Variants in RAB37 observed in about 807,000 individuals in gnomAD.
The protein encoded by RAB37 is ras-related protein Rab-37.
Under a neutral mutation model 33.1 loss-of-function variants are expected in RAB37, and 29 were observed. That is an observed-to-expected ratio of 0.88 (90% CI 0.65 to 1.20). The LOEUF (loss-of-function observed/expected upper bound fraction) is 1.20. Ranked by LOEUF, RAB37 falls within the 50% of genes most tolerant of loss-of-function variation. The pLI is 0.00. For missense variants in RAB37, 299 were observed against 301.1 expected, an observed-to-expected ratio of 0.99 and a Z score of 0.05; for synonymous variants, 128 against 119.5, an observed-to-expected ratio of 1.07 and a Z score of -0.47.
rs1272049504 is a variant in RAB37, at chr17:74,738,717, A to G, written c.93+1352A>G. On this transcript the variant is annotated intron_variant, in intron 1 of 8. Coordinates refer to ENST00000392613, the MANE Select transcript of RAB37 (RefSeq NM_001006638.3). The surrounding 1 kb of genome is among the most constrained non-coding windows in gnomAD (Gnocchi z 5.0). ...CCACCCCTTCATCTGTTCCCTGGCC[A>G]AGCGGCATTGGCCGGAGAGTTGGTC... 6.6e-6 allele frequency among the ~76,000 whole-genome samples: 1 copy of G among 152,122 alleles called. No homozygotes were observed. The highest frequency in any genetic ancestry group is 1.5e-5 in the Non-Finnish European group (1 of 67,994).
At chr17:74,672,416 A>G (rs933803515) in intron 1 of RAB37, among the ~76,000 whole-genome samples, 91 of 152,246 alleles carry the variant, frequency 6.0e-4, no homozygotes, top group African/African-American at 2.1e-3. Flanking sequence ...TCCAGCCCCT[A>G]TATTTTCTGC....
chr17:74,700,469 G>C (rs772136777), intron 1 of RAB37, among the ~76,000 whole-genome samples: 5 of 151,998 alleles, frequency 3.3e-5, no homozygotes, highest in Admixed American at 6.6e-5. Context: ...GACTGAGCGC[G>C]GTGGCTTACA....
Position 74,743,282 on chromosome 17 carries a change from CT to C in RAB37, c.314-5del. ...TAAGTCCCCTCTGTGATCCTCTCCC[CT>C]CCAGCCTTGCTTCTGCTGTATGACA... On this transcript the variant is annotated splice_polypyrimidine_tract_variant and splice_region_variant and intron_variant, in intron 4 of 8. Coordinates refer to ENST00000392613, the MANE Select transcript of RAB37 (RefSeq NM_001006638.3). 6.2e-7 allele frequency: 1 copy of C among 1,614,132 alleles called. No individual in the cohort carries two copies. Among genetic ancestry groups the C allele is most frequent in the Non-Finnish European group, 8.5e-7 (1 of 1,180,022 alleles).
intron 1 of RAB37, among the ~76,000 whole-genome samples, chr17:74,690,730 C>G (rs560215634): frequency 6.6e-6 from 1 of 152,184 alleles, no homozygotes; most frequent in Non-Finnish European, 1.5e-5. Context: ...ACAGAGAGAA[C>G]CCAGACACTT....
intron 1 of RAB37, among the ~76,000 whole-genome samples, chr17:74,718,299 CATCATATCATATCATACATCATATCAT>C (rs1320488644): frequency 2.0e-5 from 3 of 147,066 alleles, no homozygotes; most frequent in Admixed American, 7.1e-5. Context: ...GTCTCTAAAA[CATCATATCATATCATACATCATATCAT>C]ATCATATCAT....
At chr17:74,728,323 A>C (rs1326656064) in intron 1 of RAB37, among the ~76,000 whole-genome samples, 1 of 148,176 alleles carries the variant, frequency 6.7e-6, no homozygotes, top group African/African-American at 2.5e-5. Flanking sequence ...TTGTGTGTAC[A>C]TGTGTGTTTT....
chr17:74,692,624 C>G (rs570410166), intron 1 of RAB37, among the ~76,000 whole-genome samples: 1 of 152,202 alleles, frequency 6.6e-6, no homozygotes, highest in African/African-American at 2.4e-5. Flanking sequence ...ACACTTTATC[C>G]CCAGCCCCTC....
rs1000201688 is a variant in RAB37 at position 74,730,115 on chromosome 17, C to A, written c.183+749C>A. 5.3e-5 allele frequency among the ~76,000 whole-genome samples: 8 copies of A among 152,200 alleles called. No homozygotes were observed. The highest frequency in any genetic ancestry group is 1.4e-4 in the African/African-American group (6 of 41,452). On this transcript the variant is annotated intron_variant, in intron 2 of 7. Coordinates refer to the RAB37 transcript ENST00000340415. This position sits in a 1 kb window ranked among gnomAD's most constrained non-coding sequence, Gnocchi z 4.4. ...CGTTGTCCCGTGCCTGCGGCTGCAG[C>A]TGCCCTTGAATTCCTGGGAAGACCT...
intron 1 of RAB37, among the ~76,000 whole-genome samples, chr17:74,713,236 C>T (rs868679178): frequency 3.4e-5 from 5 of 147,962 alleles, no homozygotes; most frequent in South Asian, 4.3e-4. Flanking sequence ...ACCTAGTAGG[C>T]GGAGGTTGTA....
chr17:74,729,603 C>A lies in RAB37; in HGVS notation c.183+237C>A, dbSNP rs897393927. ...AGCCTCAAGCAGGAAGGGAAGGCAC[C>A]CTCACCAGAACCCAGGGACAAAGCA... On this transcript the variant is annotated intron_variant, in intron 2 of 7. Transcript: ENST00000340415. The surrounding 1 kb of genome is among the most constrained non-coding windows in gnomAD (Gnocchi z 4.2). 6.6e-6 allele frequency among the ~76,000 whole-genome samples: 1 copy of A among 151,944 alleles called. No individual in the cohort carries two copies. The highest frequency in any genetic ancestry group is 2.4e-5 in the African/African-American group (1 of 41,364).
intron 1 of RAB37, among the ~76,000 whole-genome samples, chr17:74,720,893 G>A (rs1567807336): frequency 6.6e-6 from 1 of 152,178 alleles, no homozygotes; most frequent in Non-Finnish European, 1.5e-5. Flanking sequence ...AGTGGAAGGG[G>A]AGCTGGAAAA....
At chr17:74,728,042 C>T (rs1029593677) in intron 1 of RAB37, among the ~76,000 whole-genome samples, 4 of 151,310 alleles carry the variant, frequency 2.6e-5, no homozygotes, top group Non-Finnish European at 5.9e-5. Context: ...TTATACATGT[C>T]TCTGTGTATG....
At chr17:74,679,746 G>A (rs754698649) in intron 1 of RAB37, among the ~76,000 whole-genome samples, 14 of 152,140 alleles carry the variant, frequency 9.2e-5, no homozygotes, top group Non-Finnish European at 1.8e-4. Flanking sequence ...TTGAGAGGCT[G>A]AGATGGGCAG....
rs533750211 is a variant in RAB37 at position 74,743,471 on chromosome 17, T to C, written c.366+131T>C. On this transcript the variant is annotated intron_variant, in intron 5 of 8. Transcript: ENST00000392613. Reference sequence around the variant, plus strand: ...CTCCTGCCTTCTGAAAAACACCTACTTGTGACTCAGAAGTCATATCTGCTG... The same window carrying C: ...CTCCTGCCTTCTGAAAAACACCTACCTGTGACTCAGAAGTCATATCTGCTG... 4.4e-5 allele frequency: 39 copies of C among 891,092 alleles called. No homozygotes were observed. The Admixed American group carries it at 5.5e-4, about 13-fold the overall frequency. 55.2% of individuals were successfully genotyped at this position (891,092 alleles called of 1,614,324 possible).
intron 1 of RAB37, among the ~76,000 whole-genome samples, chr17:74,709,387 A>G (rs925642275): frequency 1.3e-5 from 2 of 152,196 alleles, no homozygotes; most frequent in Non-Finnish European, 2.9e-5. Context: ...AACTGCCTTT[A>G]TCTGATAAAG....
At chr17:74,683,749 C>T (rs1173275578) in intron 1 of RAB37, among the ~76,000 whole-genome samples, 1 of 152,162 alleles carries the variant, frequency 6.6e-6, no homozygotes, top group Non-Finnish European at 1.5e-5. Context: ...CCTCACACCA[C>T]GCCTGGTTTT....
In RAB37 at chr17:74,730,607, C is replaced by T. The variant is rs1418947374; in HGVS notation, c.183+1241C>T. 6.6e-6 allele frequency among the ~76,000 whole-genome samples: 1 copy of T among 152,164 alleles called. No homozygotes were observed. ...CAGGAGGCCAAGGCTACCTGGCAAT[C>T]CCTGAGGTCTGGGACCAGGCTGCCA... is the stretch of plus-strand genomic sequence containing the variant. On this transcript the variant is annotated intron_variant, in intron 2 of 7. Coordinates refer to the RAB37 transcript ENST00000340415. The surrounding 1 kb of genome is among the most constrained non-coding windows in gnomAD (Gnocchi z 4.4).
At chr17:74,740,910 G>T in intron 2 of RAB37, 32 bp downstream of exon 2, 1 of 1,499,092 alleles carries the variant, frequency 6.7e-7, no homozygotes. Flanking sequence ...GCTTCCAGCA[G>T]AGAGCCAGGG....
chr17:74,695,776 C>T (rs761990181), intron 1 of RAB37: 28 of 1,614,048 alleles, frequency 1.7e-5, no homozygotes, highest in Non-Finnish European at 2.4e-5. Flanking sequence ...AGGAAAGCTT[C>T]GTGGTAGCCT....
Sources: gnomAD v4.1 joint callset for allele counts (sites outside exome capture counted in the v4.1 genomes callset) on GRCh38, gnomAD v4.1.1 for gene constraint, Gnocchi (gnomAD v3.1) non-coding constraint, MANE v1.5 for transcripts, NCBI Gene and HGNC (gene_info 2026-07-23, HGNC 2026-07-21) for gene names.